The following FUT9 variants were observed in gnomAD, a reference collection of about 807,000 sequenced individuals.
FUT9 encodes fucosyltransferase 9.
FUT9 carries 15 observed loss-of-function variants against 29.7 expected under a neutral mutation model. That is an observed-to-expected ratio of 0.51 (90% CI 0.34 to 0.78). FUT9 has a LOEUF of 0.78. FUT9 is among the 30% of genes least tolerant of loss of function. The probability of loss-of-function intolerance (pLI) is 0.01; values close to 1 mark genes in which losing one functional copy is unlikely to be tolerated. For synonymous variants in FUT9, 169 were observed against 153.7 expected, an observed-to-expected ratio of 1.10 and a Z score of -0.74; for missense variants, 319 against 425.4, an observed-to-expected ratio of 0.75 and a Z score of 2.20.
In FUT9 at chr6:96,214,172, G is replaced by A. The variant is rs1198751307; in HGVS notation, c.*9937G>A. The A allele has an allele frequency of 6.0e-6, 1 of 166,784 alleles. No individual in the cohort carries two copies. The highest frequency in any genetic ancestry group is 1.9e-4 in the East Asian group (1 of 5,196). 10.3% of individuals were successfully genotyped at this position (166,784 alleles called of 1,614,324 possible). On this transcript the variant is annotated 3_prime_UTR_variant, in exon 3 of 3. Transcript: ENST00000302103. Reference sequence around the variant, plus strand: ...AATAAATACAACAAATTATTTGTTGGCAAGTGATACAATTTACTGTATAAC... The same window carrying A: ...AATAAATACAACAAATTATTTGTTGACAAGTGATACAATTTACTGTATAAC...
At position 96,203,622 on chromosome 6, in the gene FUT9, T is replaced by G; in HGVS notation, c.467T>G (p.Leu156Arg). Residue 156 changes from leucine to arginine, a missense_variant, in exon 3 of 3, where the codon CTG (leucine) becomes CGG (arginine). Coordinates refer to ENST00000302103, the MANE Select transcript of FUT9 (RefSeq NM_006581.4). ...SGIEHLFNLT[L>R]TYRRDSDIQV... Reference sequence around the variant, plus strand: ...ATTGAGCACTTGTTTAACCTGACTCTGACTTACCGCCGTGATTCAGATATC... The same window carrying G: ...ATTGAGCACTTGTTTAACCTGACTCGGACTTACCGCCGTGATTCAGATATC... 6.2e-7 allele frequency: 1 copy of G among 1,614,036 alleles called. No homozygotes were observed. Among genetic ancestry groups the G allele is most frequent in the Non-Finnish European group, 8.5e-7 (1 of 1,180,000 alleles).
intron 1 of FUT9, among the ~76,000 whole-genome samples, chr6:96,080,935 T>C (rs1164143596): frequency 6.6e-6 from 1 of 152,002 alleles, no homozygotes; most frequent in Non-Finnish European, 1.5e-5. Context: ...ACCCTGTTTA[T>C]TGAAAGCACA....
Position 96,042,084 on chromosome 6 carries a change from C to G in FUT9, c.-98+25872C>G, listed in dbSNP as rs151051860. Among the ~76,000 whole-genome samples the G allele has an allele frequency of 4.9e-3, 750 of 152,248 alleles. 4 individuals carry two copies. The highest frequency in any genetic ancestry group is 6.5e-3 in the Non-Finnish European group (441 of 68,032). Reference sequence around the variant, plus strand: ...ATTTCCAGACTCTCTGCTCAGTTCACTCCCCCACCATCCCGACATCCCTAG... The same window carrying G: ...ATTTCCAGACTCTCTGCTCAGTTCAGTCCCCCACCATCCCGACATCCCTAG... On this transcript the variant is annotated intron_variant, in intron 1 of 2. Transcript: ENST00000302103.
At chr6:96,076,104 A>G (rs1432016101) in intron 1 of FUT9, among the ~76,000 whole-genome samples, 1 of 152,186 alleles carries the variant, frequency 6.6e-6, no homozygotes, top group African/African-American at 2.4e-5. Flanking sequence ...TGTGGGTAAC[A>G]TATCCATGGA....
In FUT9 at chr6:96,207,795, AT is replaced by A. The variant is rs1446461680; in HGVS notation, c.*3562del. ...CCTTCAATACTCTAAATATTTAAATATTAATTATTGTAGACATCAGTAAGAA... is the reference window on the plus strand; with the variant it reads ...CCTTCAATACTCTAAATATTTAAATATAATTATTGTAGACATCAGTAAGAA... On this transcript the variant is annotated 3_prime_UTR_variant, in exon 3 of 3. Coordinates refer to ENST00000302103, the MANE Select transcript of FUT9 (RefSeq NM_006581.4). 1.2e-5 allele frequency: 2 copies of A among 167,134 alleles called. No homozygotes were observed. The highest frequency in any genetic ancestry group is 6.5e-5 in the Admixed American group (1 of 15,288). 10.4% of individuals were successfully genotyped at this position (167,134 alleles called of 1,614,324 possible).
At chr6:96,064,173 C>T (rs1770922974) in intron 1 of FUT9, among the ~76,000 whole-genome samples, 1 of 152,146 alleles carries the variant, frequency 6.6e-6, no homozygotes, top group African/African-American at 2.4e-5. Flanking sequence ...CTTGTTCACA[C>T]TGGCTTTCTG....
intron 2 of FUT9, among the ~76,000 whole-genome samples, chr6:96,188,643 ATGTG>A (rs34635425): frequency 1.4e-4 from 21 of 146,780 alleles, no homozygotes; most frequent in African/African-American, 4.7e-4. Context: ...ATATATATAT[ATGTG>A]TGTGTGTGTG....
intron 2 of FUT9, among the ~76,000 whole-genome samples, chr6:96,128,991 C>T (rs899683901): frequency 6.6e-6 from 1 of 151,556 alleles, no homozygotes; most frequent in Admixed American, 6.6e-5. Context: ...GGTGTGGTGG[C>T]TCATGCCTGT....
intron 2 of FUT9, among the ~76,000 whole-genome samples, chr6:96,132,814 A>G (rs537277297): frequency 5.6e-4 from 85 of 152,290 alleles, no homozygotes; most frequent in Non-Finnish European, 6.6e-4. Context: ...TTTATGAAGT[A>G]TAATTGCCCA....
chr6:96,090,794 T>C (rs1771398830), intron 1 of FUT9, among the ~76,000 whole-genome samples: 2 of 151,966 alleles, frequency 1.3e-5, no homozygotes, highest in Admixed American at 1.3e-4. Flanking sequence ...TTGGTCATAT[T>C]TGTATGTAAT....
chr6:96,051,790 G>C (rs1770675720), intron 1 of FUT9, among the ~76,000 whole-genome samples: 1 of 151,706 alleles, frequency 6.6e-6, no homozygotes, highest in South Asian at 2.1e-4. Flanking sequence ...AAATACATGA[G>C]TAAATATAAT....
At chr6:96,150,415 A>T (rs1302917047) in intron 2 of FUT9, among the ~76,000 whole-genome samples, 1 of 152,174 alleles carries the variant, frequency 6.6e-6, no homozygotes, top group Non-Finnish European at 1.5e-5. Context: ...AGAGGACTTG[A>T]TCTTCCTGAG....
chr6:96,149,087 T>C (rs1017722594), intron 2 of FUT9, among the ~76,000 whole-genome samples: 3 of 151,208 alleles, frequency 2.0e-5, no homozygotes, highest in African/African-American at 7.3e-5. Flanking sequence ...ACTCGGGAAG[T>C]GGAGGTTGCA....
chr6:96,172,483 T>A (rs1248233602), intron 2 of FUT9, among the ~76,000 whole-genome samples: 1 of 152,176 alleles, frequency 6.6e-6, no homozygotes, highest in Admixed American at 6.6e-5. Flanking sequence ...TTGGAAATCA[T>A]TGCTACCACA....
chr6:96,140,224 C>T (rs879572329), intron 2 of FUT9, among the ~76,000 whole-genome samples: 2 of 152,122 alleles, frequency 1.3e-5, no homozygotes, highest in Admixed American at 6.5e-5. Flanking sequence ...CATATGACAC[C>T]ACCGCAGCCT....
chr6:96,079,215 C>T (rs1005902746), intron 1 of FUT9, among the ~76,000 whole-genome samples: 1 of 152,136 alleles, frequency 6.6e-6, no homozygotes, highest in Non-Finnish European at 1.5e-5. Context: ...TATATGCATT[C>T]CTTCGACCAA....
chr6:96,045,893 G>A lies in FUT9; in HGVS notation c.-98+29681G>A, dbSNP rs968784151. On this transcript the variant is annotated intron_variant, in intron 1 of 2. Transcript: ENST00000302103. ...TGCAGTATGGGTGCCTCGAGGAGGA[G>A]GACAGCTAGTTGAACCTCAAAGAGG... Among the ~76,000 whole-genome samples, 6 of 152,322 alleles carry A rather than the reference G, an allele frequency of 3.9e-5. No homozygotes were observed. The South Asian group carries it at 6.2e-4, about 16-fold the overall frequency.
chr6:96,103,000 G>A (rs1771613912), intron 1 of FUT9, among the ~76,000 whole-genome samples: 1 of 152,094 alleles, frequency 6.6e-6, no homozygotes, highest in African/African-American at 2.4e-5. Context: ...CCAAGAGAGT[G>A]GTAGGCAGGT....
chr6:96,123,133 CA>C (rs754971660), intron 2 of FUT9, among the ~76,000 whole-genome samples: 1 of 134,418 alleles, frequency 7.4e-6, no homozygotes. Flanking sequence ...GGATTAAATG[CA>C]AAAAAATGCA....
Sources: allele counts gnomAD v4.1 joint callset (sites outside exome capture counted in the v4.1 genomes callset), GRCh38; gene constraint gnomAD v4.1.1; transcripts MANE v1.5; gene names NCBI Gene and HGNC (gene_info 2026-07-23, HGNC 2026-07-21).